Variants in ODAD2 observed in about 807,000 individuals in gnomAD.
The protein encoded by ODAD2 is outer dynein arm docking complex subunit 2.
A neutral mutation model predicts 106.8 loss-of-function variants in ODAD2; 89 were observed. The ratio of observed to expected loss-of-function variants is 0.83; its 90% CI spans 0.70 to 0.99. The LOEUF (loss-of-function observed/expected upper bound fraction) is 0.99, where lower values mean the gene tolerates loss of function less well. Ranked by LOEUF, ODAD2 falls within the 50% of genes least tolerant of loss-of-function variation. ODAD2 has a pLI of 0.00. For missense variants in ODAD2, 1,168 were observed against 1,238.5 expected, an observed-to-expected ratio of 0.94 and a Z score of 0.85; for synonymous variants, 404 against 436.2, an observed-to-expected ratio of 0.93 and a Z score of 0.92.
chr10:27,922,148 T>A (rs1590027742), intron 16 of ODAD2, among the ~76,000 whole-genome samples: 2 of 107,430 alleles, frequency 1.9e-5, no homozygotes, highest in African/African-American at 3.4e-5. Flanking sequence ...AGTGAAACTC[T>A]GCCTCAAAAA....
intron 10 of ODAD2, among the ~76,000 whole-genome samples, chr10:27,945,875 C>G (rs146578016): frequency 5.6e-5 from 8 of 143,750 alleles, no homozygotes; most frequent in African/African-American, 2.4e-4. Context: ...GAAGGCTGTT[C>G]ATTTTTGTAA....
chr10:27,908,582 GA>G (rs1843764218), intron 16 of ODAD2, among the ~76,000 whole-genome samples: 1 of 151,976 alleles, frequency 6.6e-6, no homozygotes, highest in South Asian at 2.1e-4. Context: ...CAAAGCAGAT[GA>G]AAAAAGATAA....
intron 17 of ODAD2, among the ~76,000 whole-genome samples, chr10:27,873,763 G>A (rs1305959672): frequency 3.9e-5 from 6 of 152,170 alleles, no homozygotes; most frequent in Non-Finnish European, 7.3e-5. Flanking sequence ...GCTGAGGAGT[G>A]CTTTACTTCC....
intron 17 of ODAD2, among the ~76,000 whole-genome samples, chr10:27,870,919 G>A (rs1284523894): frequency 6.6e-6 from 1 of 152,204 alleles, no homozygotes; most frequent in Non-Finnish European, 1.5e-5. Context: ...AGATCCTTGA[G>A]GAATCGCCAC....
intron 10 of ODAD2, among the ~76,000 whole-genome samples, chr10:27,960,264 A>G (rs1457027544): frequency 6.6e-6 from 1 of 150,876 alleles, no homozygotes; most frequent in Non-Finnish European, 1.5e-5. Context: ...TGTTTCGTAT[A>G]AGCTCATGTC....
intron 17 of ODAD2, among the ~76,000 whole-genome samples, chr10:27,871,993 G>A (rs543322980): frequency 7.2e-5 from 11 of 152,290 alleles, no homozygotes; most frequent in East Asian, 1.9e-4. Context: ...CAAGAGCATG[G>A]AATGTTCTTC....
At chr10:27,878,349 C>T (rs555892965) in intron 17 of ODAD2, among the ~76,000 whole-genome samples, 2 of 152,124 alleles carry the variant, frequency 1.3e-5, no homozygotes, top group African/African-American at 4.8e-5. Flanking sequence ...AATATTGAGA[C>T]ATTATTTACA....
chr10:27,932,365 T>A (rs894036693), intron 16 of ODAD2, among the ~76,000 whole-genome samples: 1 of 152,196 alleles, frequency 6.6e-6, no homozygotes, highest in Non-Finnish European at 1.5e-5. Flanking sequence ...GAAGTATAGT[T>A]TCTACTGACT....
chr10:27,885,736 ATTATG>A (rs1564466400), intron 17 of ODAD2, among the ~76,000 whole-genome samples: 2 of 17,950 alleles, frequency 1.1e-4, no homozygotes, highest in Non-Finnish European at 3.5e-4. Flanking sequence ...TATAAAATAT[ATTATG>A]TTATATATAA....
chr10:27,943,573 G>A (rs997295320), intron 12 of ODAD2, among the ~76,000 whole-genome samples: 2 of 151,920 alleles, frequency 1.3e-5, no homozygotes, highest in African/African-American at 4.8e-5. Flanking sequence ...GATTACCTGA[G>A]CTCAGGAGTT....
intron 19 of ODAD2, among the ~76,000 whole-genome samples, chr10:27,856,886 G>A (rs1304972917): frequency 2.0e-5 from 3 of 152,108 alleles, no homozygotes; most frequent in South Asian, 2.1e-4. Context: ...AGAATCGCTC[G>A]AACCCAGGAG....
In ODAD2 at chr10:27,812,722, T is replaced by A. The variant is rs567161839; in HGVS notation, c.3022-97A>T. ...AGGAAAATAATTTTCAATAGTAAAT[T>A]TTTTTAAAACCACCAAAAAAGCATA... On this transcript the variant is annotated intron_variant, in intron 19 of 19. Transcript: ENST00000305242. 1,007 of 1,426,194 alleles carry A rather than the reference T, an allele frequency of 7.1e-4. 15 individuals carry two copies. The South Asian group carries it at 0.015, about 21-fold the overall frequency. The allele number at this position is 1,426,194 out of a possible 1,614,324, so 88.3% of individuals were successfully genotyped here. A position where few individuals can be genotyped will look rare whatever the true frequency, so the allele number is the denominator to read the frequency against.
intron 19 of ODAD2, among the ~76,000 whole-genome samples, chr10:27,842,938 T>C (rs1196764292): frequency 6.6e-6 from 1 of 152,210 alleles, no homozygotes; most frequent in African/African-American, 2.4e-5. Context: ...AGAATGCTCA[T>C]AGCAGCACTA....
intron 17 of ODAD2, chr10:27,904,229 C>A: frequency 2.5e-6 from 1 of 398,538 alleles, no homozygotes. Flanking sequence ...TTCCTAAAGC[C>A]TTCCAGACTT....
At chr10:27,998,870 C>T (rs1850718797) in intron 1 of ODAD2, 124 bp downstream of exon 1, 5 of 152,788 alleles carry the variant, frequency 3.3e-5, no homozygotes, top group Admixed American at 3.3e-4. Flanking sequence ...ACTGCGCGCC[C>T]TGCGGCCGCG....
chr10:27,817,512 C>A (rs989261237), intron 19 of ODAD2, among the ~76,000 whole-genome samples: 2 of 152,134 alleles, frequency 1.3e-5, no homozygotes, highest in Non-Finnish European at 2.9e-5. Context: ...CATTTCCCAT[C>A]TTTTGGGGTC....
At position 27,887,664 on chromosome 10, in the gene ODAD2, C is replaced by T. The variant is rs894477975; in HGVS notation, c.2610+19999G>A. 2.0e-5 allele frequency among the ~76,000 whole-genome samples: 3 copies of T among 151,856 alleles called. No homozygotes were observed. The South Asian group carries it at 6.2e-4, about 31-fold the overall frequency. On this transcript the variant is annotated intron_variant, in intron 17 of 19. Coordinates refer to ENST00000305242, the MANE Select transcript of ODAD2 (RefSeq NM_018076.5). The stretch of plus-strand genomic sequence containing the variant: ...ACAATGGAATAAAAATAGAAATTTG[C>T]AGCAGAAGGAAAAGTGGAAAATTCA...
intron 17 of ODAD2, among the ~76,000 whole-genome samples, chr10:27,869,647 G>T (rs1840713428): frequency 6.6e-6 from 1 of 151,454 alleles, no homozygotes; most frequent in South Asian, 2.1e-4. Context: ...TGATTCTCCT[G>T]GCTTAGCCTC....
At chr10:27,927,888 C>G (rs907890208) in intron 16 of ODAD2, among the ~76,000 whole-genome samples, 1 of 152,076 alleles carries the variant, frequency 6.6e-6, no homozygotes, top group African/African-American at 2.4e-5. Flanking sequence ...CTCTTCCTCA[C>G]AACCTCTTAC....
Sources: allele counts gnomAD v4.1 joint callset (sites outside exome capture counted in the v4.1 genomes callset), GRCh38; gene constraint gnomAD v4.1.1; transcripts MANE v1.5; gene names NCBI Gene and HGNC (gene_info 2026-07-23, HGNC 2026-07-21).